The following KIAA1755 variants were observed in gnomAD, a reference collection of about 807,000 sequenced individuals.
KIAA1755 encodes the protein KIAA1755.
A neutral mutation model predicts 91.7 loss-of-function variants in KIAA1755; 68 were observed. The ratio of observed to expected loss-of-function variants is 0.74; its 90% CI spans 0.61 to 0.91. The LOEUF (loss-of-function observed/expected upper bound fraction) is 0.91, where lower values mean the gene tolerates loss of function less well. KIAA1755 is among the 40% of genes least tolerant of loss of function. The pLI, the probability that KIAA1755 is intolerant of heterozygous loss-of-function variation, is 0.00. For missense variants in KIAA1755, 1,535 were observed against 1,494.4 expected, an observed-to-expected ratio of 1.03 and a Z score of -0.45; for synonymous variants, 610 against 604.6, an observed-to-expected ratio of 1.01 and a Z score of -0.13.
intron 13 of KIAA1755, among the ~76,000 whole-genome samples, chr20:38,216,524 C>T (rs2075545972): frequency 6.6e-6 from 1 of 152,210 alleles, no homozygotes; most frequent in Non-Finnish European, 1.5e-5. Context: ...TGGGTCTGGG[C>T]CAGCCATGGG....
chr20:38,213,752 C>T lies in KIAA1755; in HGVS notation c.2902-9G>A. The T allele has an allele frequency of 1.4e-6, 2 of 1,450,204 alleles. No individual in the cohort carries two copies. Among genetic ancestry groups the T allele is most frequent in the South Asian group, 1.5e-5 (1 of 68,834 alleles). 89.8% of individuals were successfully genotyped at this position (1,450,204 alleles called of 1,614,324 possible). A position where few individuals can be genotyped will look rare whatever the true frequency, so the allele number is the denominator to read the frequency against. On this transcript the variant is annotated splice_polypyrimidine_tract_variant and intron_variant, in intron 13 of 13. Coordinates refer to ENST00000279024, the MANE Select transcript of KIAA1755 (RefSeq NM_001029864.2). ...ATGTGGAACCAGGTCATCTGGGGGA[C>T]AAGAAGAGAGGGAGGTGGGGGCTCA...
chr20:38,233,989 G>T (rs2123181405), intron 4 of KIAA1755, among the ~76,000 whole-genome samples: 2 of 152,242 alleles, frequency 1.3e-5, no homozygotes, highest in Admixed American at 6.5e-5. Flanking sequence ...AAGAAATTTG[G>T]ACACAGAGGG....
At chr20:38,214,140 G>A (rs576036160) in intron 13 of KIAA1755, among the ~76,000 whole-genome samples, 3 of 152,120 alleles carry the variant, frequency 2.0e-5, no homozygotes, top group South Asian at 2.1e-4. Context: ...TTAGTAGGAC[G>A]GGGTTTCACC....
intron 5 of KIAA1755, 73 bp downstream of exon 5, chr20:38,231,129 G>A: frequency 6.8e-7 from 1 of 1,468,644 alleles, no homozygotes; most frequent in Non-Finnish European, 9.2e-7. Context: ...TCTCCACTCA[G>A]TGTCTGGTCC....
intron 10 of KIAA1755, among the ~76,000 whole-genome samples, chr20:38,220,142 T>C (rs1028230190): frequency 6.6e-6 from 1 of 152,158 alleles, no homozygotes; most frequent in Non-Finnish European, 1.5e-5. Flanking sequence ...AGAACCCACT[T>C]CATAGCATGG....
intron 5 of KIAA1755, 109 bp from the exon 6 acceptor site, chr20:38,228,349 G>T (rs975213284): frequency 5.2e-6 from 4 of 774,648 alleles, no homozygotes; most frequent in Non-Finnish European, 5.8e-6. Context: ...ATTTACTGGT[G>T]AACTCTTCAT....
intron 13 of KIAA1755, among the ~76,000 whole-genome samples, chr20:38,214,980 C>G (rs2075519826): frequency 6.6e-6 from 1 of 152,188 alleles, no homozygotes; most frequent in Non-Finnish European, 1.5e-5. Flanking sequence ...GAGCTCATGG[C>G]CGGGAAAGAG....
chr20:38,222,444 T>C lies in KIAA1755; in HGVS notation c.2417+5A>G. ...GTGGAAGAGGAAAGGCCTGGACGTCTGTACCTGACATCAGGGCTGAAGTCC... is the reference window on the plus strand; with the variant it reads ...GTGGAAGAGGAAAGGCCTGGACGTCCGTACCTGACATCAGGGCTGAAGTCC... On this transcript the variant is annotated splice_donor_5th_base_variant and intron_variant, in intron 10 of 13. Coordinates refer to ENST00000279024, the MANE Select transcript of KIAA1755 (RefSeq NM_001029864.2). 6.2e-7 allele frequency: 1 copy of C among 1,612,120 alleles called. No individual in the cohort carries two copies. The highest frequency in any genetic ancestry group is 2.0e-4 in the Middle Eastern group (1 of 5,032).
chr20:38,235,511 A>C (rs1321013228), intron 4 of KIAA1755, among the ~76,000 whole-genome samples: 2 of 152,222 alleles, frequency 1.3e-5, no homozygotes, highest in Non-Finnish European at 2.9e-5. Flanking sequence ...GGTAGGAGCA[A>C]GGTGCCAAGA....
At position 38,219,751 on chromosome 20, in the gene KIAA1755, G is replaced by C; in HGVS notation, c.2435C>G (p.Ala812Gly). The C allele has an allele frequency of 6.2e-7, 1 of 1,614,160 alleles. No individual in the cohort carries two copies. Among genetic ancestry groups the C allele is most frequent in the Non-Finnish European group, 8.5e-7 (1 of 1,180,024 alleles). Residue 812 changes from alanine to glycine, a missense_variant, in exon 11 of 14, where the codon GCC becomes GGC. Transcript: ENST00000279024. ...SPDVRSHLAA[A>G]TALYSLVDEQ... Reference sequence around the variant, plus strand: ...GTCCACAAGGCTGTACAAGGCAGTGGCTGCAGCCAGATGGCTCCTGGGAGG... The same window carrying C: ...GTCCACAAGGCTGTACAAGGCAGTGCCTGCAGCCAGATGGCTCCTGGGAGG...
At position 38,212,841 on chromosome 20, in the gene KIAA1755, A is replaced by T. The variant is rs1242545017; in HGVS notation, c.*201T>A. ...CTGACGCCCACTCTTGCTATTCTGC[A>T]TGGGTGAAGATCGGGTCTTCCAGGA... On this transcript the variant is annotated 3_prime_UTR_variant, in exon 14 of 14. Transcript: ENST00000279024. 24 of 519,552 alleles carry T rather than the reference A, an allele frequency of 4.6e-5. No homozygotes were observed. The highest frequency in any genetic ancestry group is 1.0e-5 in the Non-Finnish European group (3 of 293,812). The allele number at this position is 519,552 out of a possible 1,614,324, so 32.2% of individuals were successfully genotyped here. A position where few individuals can be genotyped will look rare whatever the true frequency, so the allele number is the denominator to read the frequency against.
intron 3 of KIAA1755, among the ~76,000 whole-genome samples, chr20:38,240,022 G>T (rs538950136): frequency 6.6e-6 from 1 of 152,178 alleles, no homozygotes; most frequent in South Asian, 2.1e-4. Context: ...TCAGCCTCCC[G>T]AGTAGCTGGG....
rs1199506778 is a variant in KIAA1755, at chr20:38,213,369, C to T, written c.3276G>A (p.Gln1092=). The T allele has an allele frequency of 6.2e-7, 1 of 1,605,382 alleles. No individual in the cohort carries two copies. Among genetic ancestry groups the T allele is most frequent in the Non-Finnish European group, 8.5e-7 (1 of 1,175,572 alleles). The change falls in exon 14 of 14, where the codon CAG becomes CAA. Residue 1092 remains glutamine, a synonymous_variant. Coordinates refer to ENST00000279024, the MANE Select transcript of KIAA1755 (RefSeq NM_001029864.2). ...VEVTSKGRWD[Q]PPLDSLGMDH... ...CCATGCCCAGTGAGTCTAGTGGAGG[C>T]TGATCCCACCTCCCCTTGGAAGTGA...
intron 10 of KIAA1755, among the ~76,000 whole-genome samples, chr20:38,220,475 G>C (rs1431732219): frequency 6.6e-6 from 1 of 151,754 alleles, no homozygotes; most frequent in African/African-American, 2.4e-5. Flanking sequence ...CCACCATGCC[G>C]GGCTAATTTT....
At chr20:38,238,761 T>C (rs1009130734) in intron 4 of KIAA1755, among the ~76,000 whole-genome samples, 3 of 152,196 alleles carry the variant, frequency 2.0e-5, no homozygotes, top group Non-Finnish European at 4.4e-5. Flanking sequence ...CAGGAACCAG[T>C]AAATGTCTGT....
intron 7 of KIAA1755, among the ~76,000 whole-genome samples, chr20:38,226,789 G>A (rs888734814): frequency 3.3e-5 from 5 of 152,166 alleles, no homozygotes; most frequent in South Asian, 2.1e-4. Flanking sequence ...CCAGCTCTGC[G>A]TCTAGCTTGC....
intron 11 of KIAA1755, 65 bp from the exon 12 acceptor site, chr20:38,218,431 C>A: frequency 6.3e-7 from 1 of 1,595,776 alleles, no homozygotes; most frequent in Non-Finnish European, 8.5e-7. Flanking sequence ...TCCAGCTCCC[C>A]CACTTCCTTG....
chr20:38,221,791 G>A (rs1370905973), intron 10 of KIAA1755, among the ~76,000 whole-genome samples: 1 of 152,196 alleles, frequency 6.6e-6, no homozygotes, highest in Non-Finnish European at 1.5e-5. Context: ...CTAAGAGGGT[G>A]AAAATACTTG....
chr20:38,218,142 T>A, intron 12 of KIAA1755, 102 bp downstream of exon 12: 1 of 1,499,462 alleles, frequency 6.7e-7, no homozygotes, highest in Non-Finnish European at 9.1e-7. Context: ...CTGGAACTTT[T>A]CTTGCTCTTT....
Sources: gnomAD v4.1 joint callset for allele counts (sites outside exome capture counted in the v4.1 genomes callset) on GRCh38, gnomAD v4.1.1 for gene constraint, MANE v1.5 for transcripts, NCBI Gene and HGNC (gene_info 2026-07-23, HGNC 2026-07-21) for gene names.